MDFIC2: variants seen among roughly 807,000 people sequenced by gnomAD.
The protein encoded by MDFIC2 is MyoD family inhibitor domain containing 2.
At chr3:70,207,223 C>T (rs1701299486) in intron 2 of MDFIC2, among the ~76,000 whole-genome samples, 1 of 151,952 alleles carries the variant, frequency 6.6e-6, no homozygotes, top group Non-Finnish European at 1.5e-5. Flanking sequence ...CACTTTATTA[C>T]TTTGTTTTTA....
At chr3:70,237,195 A>G (rs1397335381) in intron 2 of MDFIC2, among the ~76,000 whole-genome samples, 1 of 152,098 alleles carries the variant, frequency 6.6e-6, no homozygotes, top group Non-Finnish European at 1.5e-5. Flanking sequence ...GGGAAGCTAT[A>G]TTTTTCCCTT....
intron 2 of MDFIC2, chr3:70,302,496 G>A (rs1006366875): frequency 6.6e-6 from 1 of 152,044 alleles, no homozygotes; most frequent in African/African-American, 2.4e-5. Context: ...TGTTGATTAA[G>A]TGTATCACAT....
chr3:70,289,237 T>C, intron 2 of MDFIC2, among the ~76,000 whole-genome samples: 8 of 149,990 alleles, frequency 5.3e-5, no homozygotes, highest in African/African-American at 4.9e-5. Flanking sequence ...CTTCAGGAGC[T>C]CTTTTAGGGC....
intron 2 of MDFIC2, among the ~76,000 whole-genome samples, chr3:70,225,589 C>G (rs1458137969): frequency 6.6e-6 from 1 of 150,774 alleles, no homozygotes; most frequent in South Asian, 2.2e-4. Flanking sequence ...ATCCTTTTCT[C>G]TGTAAAAGTG....
chr3:70,245,911 G>A (rs982339394), intron 2 of MDFIC2, among the ~76,000 whole-genome samples: 3 of 151,176 alleles, frequency 2.0e-5, no homozygotes, highest in African/African-American at 7.3e-5. Context: ...TTTGTTATTA[G>A]CATAGGCATA....
intron 2 of MDFIC2, among the ~76,000 whole-genome samples, chr3:70,228,504 C>A (rs1315746439): frequency 6.6e-6 from 1 of 151,700 alleles, no homozygotes; most frequent in African/African-American, 2.4e-5. Flanking sequence ...GGGAGAAGGA[C>A]CCCTGTTATA....
chr3:70,289,551 TC>T (rs1196328131), intron 2 of MDFIC2, among the ~76,000 whole-genome samples: 1 of 148,422 alleles, frequency 6.7e-6, no homozygotes, highest in African/African-American at 2.5e-5. Flanking sequence ...GAGTTGCTCT[TC>T]TCGAGGAGTA....
At chr3:70,224,151 T>C (rs1231767943) in intron 2 of MDFIC2, among the ~76,000 whole-genome samples, 1 of 152,114 alleles carries the variant, frequency 6.6e-6, no homozygotes, top group Non-Finnish European at 1.5e-5. Context: ...TAATTGAATG[T>C]GGATGAAACT....
At chr3:70,268,770 T>C (rs1221388015) in intron 2 of MDFIC2, among the ~76,000 whole-genome samples, 1 of 152,226 alleles carries the variant, frequency 6.6e-6, no homozygotes, top group Non-Finnish European at 1.5e-5. Context: ...GTATCTACTT[T>C]ATATCTGATT....
intron 2 of MDFIC2, among the ~76,000 whole-genome samples, chr3:70,244,261 A>G (rs962163053): frequency 2.0e-5 from 3 of 152,244 alleles, no homozygotes; most frequent in Non-Finnish European, 4.4e-5. Context: ...CGTGATGAGT[A>G]TTCTCTGTTC....
At chr3:70,239,950 T>C (rs1245946419) in intron 2 of MDFIC2, among the ~76,000 whole-genome samples, 1 of 152,094 alleles carries the variant, frequency 6.6e-6, no homozygotes, top group African/African-American at 2.4e-5. Flanking sequence ...TGTATTTCTT[T>C]CACTGACCAA....
chr3:70,241,045 C>A (rs1353362189), intron 2 of MDFIC2, among the ~76,000 whole-genome samples: 1 of 152,116 alleles, frequency 6.6e-6, no homozygotes, highest in African/African-American at 2.4e-5. Context: ...AACCAATTTA[C>A]TGTCACAGTG....
At chr3:70,218,247 G>A (rs568034582) in intron 2 of MDFIC2, among the ~76,000 whole-genome samples, 2 of 152,218 alleles carry the variant, frequency 1.3e-5, no homozygotes, top group South Asian at 4.1e-4. Flanking sequence ...ATCCTAATAT[G>A]ATAACTATTT....
intron 2 of MDFIC2, among the ~76,000 whole-genome samples, chr3:70,226,126 C>A (rs961599172): frequency 6.6e-6 from 1 of 152,138 alleles, no homozygotes; most frequent in Non-Finnish European, 1.5e-5. Flanking sequence ...ACATCCCCAC[C>A]TAATAGATAA....
In MDFIC2 at chr3:70,259,416, T is replaced by A. The variant is rs536180100; in HGVS notation, c.88+52470A>T. Among the ~76,000 whole-genome samples the A allele has an allele frequency of 8.9e-3, 1,285 of 144,268 alleles. 7 individuals are homozygous for A. The highest frequency in any genetic ancestry group is 0.014 in the Admixed American group (200 of 14,464). 94.6% of individuals were successfully genotyped at this position (144,268 alleles called of 152,430 possible). A position where few individuals can be genotyped will look rare whatever the true frequency, so the allele number is the denominator to read the frequency against. On this transcript the variant is annotated intron_variant, in intron 2 of 3. Coordinates refer to ENST00000567252, the MANE Select transcript of MDFIC2 (RefSeq NM_001364677.1). ...CCTTGAATAAAAATTTATTGACTTTTAAAAAAAAAAAAGAAAGAAAGTAAG... is the reference window on the plus strand; with the variant it reads ...CCTTGAATAAAAATTTATTGACTTTAAAAAAAAAAAAAGAAAGAAAGTAAG...
chr3:70,305,612 T>C (rs1702392873), intron 2 of MDFIC2, among the ~76,000 whole-genome samples: 1 of 152,222 alleles, frequency 6.6e-6, no homozygotes. Flanking sequence ...TTGTCTCACA[T>C]GTTTTCTCTG....
intron 2 of MDFIC2, among the ~76,000 whole-genome samples, chr3:70,298,713 CTTTAAT>C (rs567150107): frequency 2.0e-3 from 311 of 152,094 alleles, no homozygotes; most frequent in African/African-American, 7.2e-3. Context: ...TTCCAGTCTT[CTTTAAT>C]TTTATTTGTT....
At chr3:70,245,138 C>A (rs1050167051) in intron 2 of MDFIC2, among the ~76,000 whole-genome samples, 1 of 152,084 alleles carries the variant, frequency 6.6e-6, no homozygotes, top group Non-Finnish European at 1.5e-5. Flanking sequence ...TATTTTAAAT[C>A]ATTCATTTAG....
At chr3:70,217,277 T>C (rs752780014) in intron 2 of MDFIC2, among the ~76,000 whole-genome samples, 4 of 152,140 alleles carry the variant, frequency 2.6e-5, no homozygotes, top group Admixed American at 6.6e-5. Context: ...AGTACAAACG[T>C]AGATAGTTTC....
Sources: gnomAD v4.1 joint callset for allele counts (sites outside exome capture counted in the v4.1 genomes callset) on GRCh38, gnomAD v4.1.1 for gene constraint, MANE v1.5 for transcripts, NCBI Gene and HGNC (gene_info 2026-07-23, HGNC 2026-07-21) for gene names.